RIPOR2: variants seen among roughly 807,000 people sequenced by gnomAD.
The protein encoded by RIPOR2 is rho family-interacting cell polarization regulator 2.
Under a neutral mutation model 114.5 loss-of-function variants are expected in RIPOR2, and 39 were observed. The ratio of observed to expected loss-of-function variants is 0.34; its 90% confidence interval spans 0.26 to 0.44. The LOEUF is 0.44. Among genes scored for constraint, RIPOR2 ranks in the 20% least tolerant of loss-of-function variants. The pLI, the probability that RIPOR2 is intolerant of heterozygous loss-of-function variation, is 1.00. For synonymous variants in RIPOR2, 445 were observed against 484.4 expected (o/e 0.92, Z 1.07); for missense variants, 1,007 against 1,255.1 (o/e 0.80, Z 2.99).
intron 1 of RIPOR2, among the ~76,000 whole-genome samples, chr6:25,028,708 T>C (rs1165138658): frequency 6.6e-6 from 1 of 152,276 alleles, no homozygotes; most frequent in Non-Finnish European, 1.5e-5. Context: ...ATAGTACAGA[T>C]CCTTCTAGCT....
intron 1 of RIPOR2, among the ~76,000 whole-genome samples, chr6:24,963,782 G>A (rs573226584): frequency 4.6e-5 from 7 of 150,716 alleles, no homozygotes; most frequent in African/African-American, 1.5e-4. Context: ...CTTGGCATTC[G>A]CTTAGCCTTT....
chr6:24,926,195 C>T (rs73382310), intron 1 of RIPOR2, among the ~76,000 whole-genome samples: 3,703 of 152,216 alleles, frequency 0.024, 139 homozygotes, highest in African/African-American at 0.083. Context: ...TCTCAGATTA[C>T]GTTTTTAAAA....
intron 15 of RIPOR2, among the ~76,000 whole-genome samples, chr6:24,834,121 A>G (rs569243080): frequency 1.2e-4 from 18 of 152,206 alleles, no homozygotes; most frequent in African/African-American, 4.3e-4. Context: ...CAGATTGGTT[A>G]TCAGTCTCAT....
At chr6:24,848,765 A>T (rs569004251) in intron 11 of RIPOR2, among the ~76,000 whole-genome samples, 1 of 152,272 alleles carries the variant, frequency 6.6e-6, no homozygotes, top group Admixed American at 6.5e-5. Flanking sequence ...CATGCTGATG[A>T]TGACAAAGCA....
chr6:24,870,965 C>T (rs1226864288), intron 4 of RIPOR2, 76 bp from the exon 5 acceptor site: 3 of 887,824 alleles, frequency 3.4e-6, no homozygotes, highest in Admixed American at 3.1e-5. Context: ...AATGATTTAG[C>T]CCACATTTGC....
intron 1 of RIPOR2, among the ~76,000 whole-genome samples, chr6:24,886,845 A>T (rs1338907820): frequency 6.6e-6 from 1 of 152,184 alleles, no homozygotes; most frequent in Non-Finnish European, 1.5e-5. Flanking sequence ...GGCTATGCAA[A>T]TATCTTGCTT....
intron 1 of RIPOR2, among the ~76,000 whole-genome samples, chr6:24,908,139 T>G (rs1769179500): frequency 6.6e-6 from 1 of 152,172 alleles, no homozygotes; most frequent in Non-Finnish European, 1.5e-5. Flanking sequence ...CACGAGGCCC[T>G]ACTCACAGGA....
chr6:24,989,183 G>T (rs1365171597), intron 1 of RIPOR2, among the ~76,000 whole-genome samples: 3 of 151,798 alleles, frequency 2.0e-5, no homozygotes, highest in Non-Finnish European at 4.4e-5. Context: ...TAATTTCTAG[G>T]ATCATTGTTT....
At chr6:24,895,115 C>G (rs1306829984) in intron 1 of RIPOR2, among the ~76,000 whole-genome samples, 16 of 152,104 alleles carry the variant, frequency 1.1e-4, no homozygotes, top group Non-Finnish European at 1.9e-4. Context: ...TGCAGTGGCA[C>G]CATCTCGGGT....
At chr6:25,022,225 G>A (rs1264306180) in intron 1 of RIPOR2, among the ~76,000 whole-genome samples, 4 of 152,108 alleles carry the variant, frequency 2.6e-5, no homozygotes, top group Admixed American at 1.3e-4. Context: ...TCATGCCTCC[G>A]TAGTCAACCT....
At chr6:24,834,767 G>T (rs1399349680) in intron 15 of RIPOR2, among the ~76,000 whole-genome samples, 5 of 152,080 alleles carry the variant, frequency 3.3e-5, no homozygotes. Flanking sequence ...GGGACCATAG[G>T]CCTGTGCCAC....
intron 1 of RIPOR2, among the ~76,000 whole-genome samples, chr6:24,900,240 C>A (rs7773553): frequency 0.033 from 5,093 of 152,186 alleles, 98 homozygotes; most frequent in African/African-American, 0.051. Flanking sequence ...GCAGCACAGC[C>A]CAGACTCTGA....
chr6:24,881,441 C>G (rs1003693381), intron 1 of RIPOR2, among the ~76,000 whole-genome samples: 2 of 152,144 alleles, frequency 1.3e-5, no homozygotes, highest in Non-Finnish European at 2.9e-5. Flanking sequence ...TGCCCTGCCA[C>G]TCCTATAACC....
intron 1 of RIPOR2, among the ~76,000 whole-genome samples, chr6:24,897,655 C>T (rs1768019233): frequency 1.3e-5 from 2 of 152,174 alleles, no homozygotes; most frequent in African/African-American, 4.8e-5. Context: ...TACATATTTC[C>T]TGAGAGTTGG....
Position 24,839,995 on chromosome 6 carries a change from G to C in RIPOR2, c.1858-723C>G, listed in dbSNP as rs927352617. On this transcript the variant is annotated intron_variant, in intron 13 of 21. Coordinates refer to ENST00000643898, the MANE Select transcript of RIPOR2 (RefSeq NM_001286445.3). ...GACAAGGTCTTGCTCTGTCACTCAG[G>C]CTGGAGTGCAGTGGTGTGATCACAG... 3.1e-6 allele frequency: 3 copies of C among 954,340 alleles called. No individual in the cohort carries two copies. The African/African-American group carries it at 6.3e-5, about 20-fold the overall frequency. 59.1% of individuals were successfully genotyped at this position (954,340 alleles called of 1,614,324 possible).
intron 19 of RIPOR2, among the ~76,000 whole-genome samples, chr6:24,821,435 C>T (rs1759694657): frequency 2.0e-5 from 3 of 152,254 alleles, no homozygotes; most frequent in South Asian, 2.1e-4. Context: ...GCGCCCGCCT[C>T]GGCCTCCCAA....
In RIPOR2 at chr6:24,883,827, A is replaced by C. The variant is rs952252497; in HGVS notation, c.62-8010T>G. ...ACTGCACTTTCTGAGTCATTTCTTCATGCCCGATTTGGGTTCTTCCTTTCT... is the reference window on the plus strand; with the variant it reads ...ACTGCACTTTCTGAGTCATTTCTTCCTGCCCGATTTGGGTTCTTCCTTTCT... On this transcript the variant is annotated intron_variant, in intron 1 of 21. Coordinates refer to ENST00000643898, the MANE Select transcript of RIPOR2 (RefSeq NM_001286445.3). This position sits in a 1 kb window ranked among gnomAD's most constrained non-coding sequence, Gnocchi z 4.1. Among the ~76,000 whole-genome samples, 1 of 152,200 alleles carries C rather than the reference A, an allele frequency of 6.6e-6. No homozygotes were observed. Among genetic ancestry groups the C allele is most frequent in the Non-Finnish European group, 1.5e-5 (1 of 68,032 alleles).
intron 7 of RIPOR2, 149 bp downstream of exon 7, chr6:24,865,152 T>A (rs1764457659): frequency 1.6e-6 from 1 of 607,118 alleles, no homozygotes; most frequent in Non-Finnish European, 2.7e-6. Context: ...TTGCCTTTCT[T>A]GCATACTTTT....
chr6:24,830,530 A>G lies in RIPOR2; in HGVS notation c.2485T>C (p.Tyr829His), dbSNP rs1236512470. 1 of 1,550,648 alleles carries G rather than the reference A, an allele frequency of 6.4e-7. No individual in the cohort carries two copies. The highest frequency in any genetic ancestry group is 1.4e-5 in the African/African-American group (1 of 72,918). The change falls in exon 17 of 22, where the codon TAT becomes CAT. Residue 829 changes from tyrosine (Y) to histidine (H), a missense_variant. Tyr to His is a moderately conservative substitution (Grantham distance 83, BLOSUM62 2). Coordinates refer to ENST00000643898, the MANE Select transcript of RIPOR2 (RefSeq NM_001286445.3). ...ASFARTVNKEYPGLADPVFRT... is the reference protein window; with the variant it reads ...ASFARTVNKEHPGLADPVFRT... ...ATACCTGGGTCTGCAAGTCCTGGAT[A>G]TTCTTTGTTGACAGTTCTGGCAAAG...
Sources: allele counts gnomAD v4.1 joint callset (sites outside exome capture counted in the v4.1 genomes callset), GRCh38; gene constraint gnomAD v4.1.1; non-coding constraint Gnocchi (gnomAD v3.1); transcripts MANE v1.5; gene names NCBI Gene and HGNC (gene_info 2026-07-23, HGNC 2026-07-21).